The following NIPBL variants were observed in gnomAD, a reference collection of about 807,000 sequenced individuals.
The protein encoded by NIPBL is NIPBL cohesin loading factor, also known as nipped-B-like protein.
In NIPBL, 19 loss-of-function variants were observed where a neutral mutation model predicts 321.8. The observed-to-expected ratio is 0.06, with a 90% CI of 0.04 to 0.09. The LOEUF (loss-of-function observed/expected upper bound fraction) is 0.09. Among genes scored for constraint, NIPBL ranks in the 10% least tolerant of loss-of-function variants. The probability of loss-of-function intolerance (pLI) is 1.00; values close to 1 mark genes in which losing one functional copy is unlikely to be tolerated. For missense variants in NIPBL, 2,210 were observed against 3,327.0 expected, an observed-to-expected ratio of 0.66 and a Z score of 8.26; for synonymous variants, 1,106 against 1,114.1, an observed-to-expected ratio of 0.99 and a Z score of 0.14.
At chr5:36,968,706 AAGG>A (rs879394329) in intron 6 of NIPBL, among the ~76,000 whole-genome samples, 17 of 152,324 alleles carry the variant, frequency 1.1e-4, no homozygotes, top group Middle Eastern at 3.4e-3. Context: ...ATGGAAAAAA[AAGG>A]AGAAGAGGTT....
intron 9 of NIPBL, among the ~76,000 whole-genome samples, chr5:36,981,365 C>T (rs927466209): frequency 6.6e-6 from 1 of 151,622 alleles, no homozygotes; most frequent in Non-Finnish European, 1.5e-5. Flanking sequence ...AAATGTTTTA[C>T]CTAGGCTGTG....
chr5:37,032,076 T>C (rs1052141191), intron 32 of NIPBL, among the ~76,000 whole-genome samples: 20 of 152,162 alleles, frequency 1.3e-4, no homozygotes, highest in African/African-American at 4.8e-4. Context: ...TACTCCAGAC[T>C]TAATTCATCA....
intron 34 of NIPBL, among the ~76,000 whole-genome samples, chr5:37,039,520 T>C (rs1752093798): frequency 6.6e-6 from 1 of 152,072 alleles, no homozygotes; most frequent in Admixed American, 6.5e-5. Context: ...TATAATGTCA[T>C]TTGCTTTATG....
intron 27 of NIPBL, 74 bp from the exon 28 acceptor site, chr5:37,021,977 C>A: frequency 9.2e-7 from 1 of 1,090,304 alleles, no homozygotes; most frequent in Non-Finnish European, 1.4e-6. Context: ...TTTTCTTTTG[C>A]ATGTTTTCAT....
At chr5:37,017,712 T>G (rs1039096673) in intron 24 of NIPBL, among the ~76,000 whole-genome samples, 1 of 152,072 alleles carries the variant, frequency 6.6e-6, no homozygotes, top group African/African-American at 2.4e-5. Flanking sequence ...TGTTTTCATT[T>G]TTTTCTAGTC....
At chr5:36,925,869 C>G (rs1749323961) in intron 1 of NIPBL, among the ~76,000 whole-genome samples, 1 of 152,098 alleles carries the variant, frequency 6.6e-6, no homozygotes, top group African/African-American at 2.4e-5. Flanking sequence ...CCAACTAGAC[C>G]AAGAACATAA....
At chr5:37,064,284 A>G in intron 46 of NIPBL, 3 of 1,376,024 alleles carry the variant, frequency 2.2e-6, no homozygotes, top group Non-Finnish European at 2.8e-6. Context: ...GTTCATATGT[A>G]TATATAATTT....
chr5:36,886,497 A>T, intron 1 of NIPBL: 1 of 755,786 alleles, frequency 1.3e-6, no homozygotes, highest in Non-Finnish European at 2.4e-6. Context: ...TGAGACATTA[A>T]GTCAGCAGAA....
intron 1 of NIPBL, among the ~76,000 whole-genome samples, chr5:36,907,452 ATTTATTTATAAGT>A (rs1747725547): frequency 6.6e-6 from 1 of 152,196 alleles, no homozygotes; most frequent in Non-Finnish European, 1.5e-5. Context: ...TTAAAATAAT[ATTTATTTATAAGT>A]TTAAGACTCC....
chr5:37,020,997 T>G, intron 27 of NIPBL, 120 bp downstream of exon 27: 2 of 846,766 alleles, frequency 2.4e-6, no homozygotes. Flanking sequence ...ATAGATGTAG[T>G]ATTTGTTTTT....
chr5:37,058,533 C>T (rs1421926285), intron 43 of NIPBL, among the ~76,000 whole-genome samples: 2 of 152,190 alleles, frequency 1.3e-5, no homozygotes, highest in Non-Finnish European at 2.9e-5. Flanking sequence ...TTACTTTATT[C>T]TCCTCAGTTA....
intron 43 of NIPBL, among the ~76,000 whole-genome samples, chr5:37,058,395 T>C (rs1754321966): frequency 6.6e-6 from 1 of 152,226 alleles, no homozygotes; most frequent in African/African-American, 2.4e-5. Flanking sequence ...CAGTTGACTT[T>C]GTTTCTAAGA....
At chr5:36,980,382 C>T (rs1023188922) in intron 9 of NIPBL, among the ~76,000 whole-genome samples, 19 of 151,708 alleles carry the variant, frequency 1.3e-4, no homozygotes, top group Non-Finnish European at 1.8e-4. Context: ...GTTGTCATTT[C>T]TAACTTGTTT....
chr5:36,929,118 G>T (rs1749581834), intron 1 of NIPBL, among the ~76,000 whole-genome samples: 1 of 152,112 alleles, frequency 6.6e-6, no homozygotes, highest in Admixed American at 6.5e-5. Flanking sequence ...ATTTCTACCA[G>T]CAGTGTGTAA....
intron 21 of NIPBL, among the ~76,000 whole-genome samples, chr5:37,014,361 TA>T (rs1301881689): frequency 6.6e-6 from 1 of 152,182 alleles, no homozygotes; most frequent in African/African-American, 2.4e-5. Context: ...ATATTTTTTC[TA>T]AATTCTTTTT....
intron 1 of NIPBL, among the ~76,000 whole-genome samples, chr5:36,926,530 C>T (rs1052023005): frequency 2.0e-5 from 3 of 152,130 alleles, no homozygotes; most frequent in African/African-American, 7.2e-5. Flanking sequence ...TGATATTTAA[C>T]ATAGTGGATC....
chr5:37,058,158 C>T lies in NIPBL; in HGVS notation c.7411-733C>T, dbSNP rs951206953. Among the ~76,000 whole-genome samples, 36 of 152,302 alleles carry T rather than the reference C, an allele frequency of 2.4e-4. No individual in the cohort carries two copies. In the East Asian group the frequency reaches 6.9e-3, roughly 29 times the overall value. ...TATTAAAGCTGTAGAACCTCAGGCC[C>T]CACCCAGATTTGCTGAAACAGAATC... On this transcript the variant is annotated intron_variant, in intron 43 of 46. Transcript: ENST00000282516.
chr5:36,901,513 T>TTTC (rs1747217716), intron 1 of NIPBL, among the ~76,000 whole-genome samples: 1 of 140,280 alleles, frequency 7.1e-6, no homozygotes, highest in African/African-American at 2.9e-5. Context: ...TTTTTTTTTT[T>TTTC]TTTTTTTTTT....
rs577223859 is a variant in NIPBL at position 36,994,515 on chromosome 5, A to G, written c.3122-1107A>G. Among the ~76,000 whole-genome samples the G allele has an allele frequency of 7.9e-5, 12 of 152,238 alleles. No individual in the cohort carries two copies. In the South Asian group the frequency reaches 2.3e-3, roughly 29 times the overall value. The stretch of plus-strand genomic sequence containing the variant: ...GATTTTTATTCTTTACGTAAGCACT[A>G]TTATCATTTGCATGTTATAAAGGAT... On this transcript the variant is annotated intron_variant, in intron 10 of 46. Transcript: ENST00000282516.
Sources: gnomAD v4.1 joint callset for allele counts (sites outside exome capture counted in the v4.1 genomes callset) on GRCh38, gnomAD v4.1.1 for gene constraint, MANE v1.5 for transcripts, NCBI Gene and HGNC (gene_info 2026-07-23, HGNC 2026-07-21) for gene names.